The following MRTFB variants were observed in gnomAD, a reference collection of about 807,000 sequenced individuals.
The protein encoded by MRTFB is myocardin-related transcription factor B.
Under a neutral mutation model 104.2 loss-of-function variants are expected in MRTFB, and 29 were observed. That is an observed-to-expected ratio of 0.28 (90% confidence interval 0.21 to 0.38). The LOEUF (loss-of-function observed/expected upper bound fraction) is 0.38, where lower values mean the gene tolerates loss of function less well. MRTFB is among the 10% of genes least tolerant of loss of function. MRTFB has a pLI of 1.00. For synonymous variants in MRTFB, 535 were observed against 519.5 expected (o/e 1.03, Z -0.41); for missense variants, 1,270 against 1,341.6 (o/e 0.95, Z 0.83).
the MRTFB span, among the ~76,000 whole-genome samples, chr16:14,022,191 A>G: frequency 1.3e-5 from 2 of 152,200 alleles, no homozygotes; most frequent in Non-Finnish European, 2.9e-5. Context: ...AGTAGAGTCT[A>G]CATGTGTTTG....
intron 6 of MRTFB, among the ~76,000 whole-genome samples, chr16:14,214,570 G>A (rs984737227): frequency 6.6e-6 from 1 of 152,162 alleles, no homozygotes; most frequent in African/African-American, 2.4e-5. Context: ...CATTGTTAGA[G>A]GTGTTCCTTC....
At chr16:14,117,416 A>G (rs557317384) in intron 2 of MRTFB, among the ~76,000 whole-genome samples, 105 of 152,246 alleles carry the variant, frequency 6.9e-4, no homozygotes, top group African/African-American at 2.3e-3. Context: ...TTCCTAATAC[A>G]TGGTCCCATA....
intron 3 of MRTFB, among the ~76,000 whole-genome samples, chr16:14,145,862 A>G (rs1409855585): frequency 6.6e-6 from 1 of 152,252 alleles, no homozygotes; most frequent in Non-Finnish European, 1.5e-5. Context: ...TAAATTGGAA[A>G]AGCTCAGCAA....
intron 2 of MRTFB, among the ~76,000 whole-genome samples, chr16:14,109,329 C>A (rs1374355659): frequency 6.6e-6 from 1 of 152,088 alleles, no homozygotes; most frequent in Non-Finnish European, 1.5e-5. Context: ...TGTCTCGAAG[C>A]CACTAAGCAA....
the MRTFB span, among the ~76,000 whole-genome samples, chr16:14,003,659 TCCCTCCCTC>T: frequency 1.4e-4 from 19 of 138,600 alleles, 1 homozygote; most frequent in Non-Finnish European, 2.9e-4. Context: ...CCTCCCTCCC[TCCCTCCCTC>T]CCTTCCTTCC....
At chr16:14,176,548 A>G (rs1437585135) in intron 3 of MRTFB, among the ~76,000 whole-genome samples, 1 of 152,246 alleles carries the variant, frequency 6.6e-6, no homozygotes, top group Non-Finnish European at 1.5e-5. Flanking sequence ...AAGTGAATTT[A>G]TTATATACAG....
At chr16:14,256,194 C>CAAAA (rs750556838) in intron 15 of MRTFB, among the ~76,000 whole-genome samples, 22 of 77,654 alleles carry the variant, frequency 2.8e-4, no homozygotes, top group African/African-American at 1.0e-3. Flanking sequence ...AACAGGATAA[C>CAAAA]AAAAAAAAAA....
the MRTFB span, among the ~76,000 whole-genome samples, chr16:14,036,298 A>ATT: frequency 3.5e-5 from 3 of 84,510 alleles, no homozygotes; most frequent in Non-Finnish European, 4.7e-5. Context: ...ATATATATTT[A>ATT]TATATATATA....
chr16:14,232,440 A>C (rs1417007043), intron 8 of MRTFB, among the ~76,000 whole-genome samples: 2 of 152,246 alleles, frequency 1.3e-5, no homozygotes, highest in Non-Finnish European at 2.9e-5. Context: ...GAGGAGCCAG[A>C]TGTCTCAGGG....
At chr16:14,054,823 T>C in the MRTFB span, among the ~76,000 whole-genome samples, 1 of 152,144 alleles carries the variant, frequency 6.6e-6, no homozygotes, top group Non-Finnish European at 1.5e-5. Flanking sequence ...TTACTTCTTA[T>C]ACCAGTTTTA....
intron 5 of MRTFB, among the ~76,000 whole-genome samples, chr16:14,212,668 G>A (rs1397730412): frequency 2.0e-5 from 3 of 152,050 alleles, no homozygotes; most frequent in East Asian, 3.9e-4. Context: ...ATACTTCTTC[G>A]CTTTCTTGCT....
intron 2 of MRTFB, among the ~76,000 whole-genome samples, chr16:14,086,313 A>T (rs2034700953): frequency 6.6e-6 from 1 of 152,144 alleles, no homozygotes; most frequent in Non-Finnish European, 1.5e-5. Flanking sequence ...CTTTCCATAT[A>T]CTTTGTTTCT....
chr16:14,041,081 C>T, the MRTFB span, among the ~76,000 whole-genome samples: 2 of 151,108 alleles, frequency 1.3e-5, no homozygotes, highest in African/African-American at 2.4e-5. Context: ...TGCAGTGAGC[C>T]ATGATGACAC....
In MRTFB at chr16:14,261,544, C is replaced by A. The variant is rs2043780504; in HGVS notation, c.*100C>A. The A allele has an allele frequency of 1.1e-5, 14 of 1,217,860 alleles. No homozygotes were observed. Among genetic ancestry groups the A allele is most frequent in the Non-Finnish European group, 1.6e-5 (14 of 877,910 alleles). The allele number at this position is 1,217,860 out of a possible 1,614,324, so 75.4% of individuals were successfully genotyped here. On this transcript the variant is annotated 3_prime_UTR_variant, in exon 17 of 17. Coordinates refer to ENST00000571589, the MANE Select transcript of MRTFB (RefSeq NM_001308142.2). ...AGATCTATAGTTGCATTGTTGCAAT[C>A]AAAATATGTTGTCACAGAAAGAATA...
In MRTFB at chr16:14,265,836, CAAAT is replaced by C. The variant is rs1172779543; in HGVS notation, c.*4396_*4399del. On this transcript the variant is annotated 3_prime_UTR_variant, in exon 17 of 17. Coordinates refer to ENST00000571589, the MANE Select transcript of MRTFB (RefSeq NM_001308142.2). The stretch of plus-strand genomic sequence containing the variant: ...GGATCTACAAGGTGCTGTCGGGAAT[CAAAT>C]AAAATATGTTATCAGAGATATCATC... 1.3e-5 allele frequency: 2 copies of C among 152,172 alleles called. No homozygotes were observed. Among genetic ancestry groups the C allele is most frequent in the Admixed American group, 6.5e-5 (1 of 15,282 alleles). The allele number at this position is 152,172 out of a possible 1,614,324, so 9.4% of individuals were successfully genotyped here.
chr16:14,234,727 T>C (rs1317247731), intron 9 of MRTFB, among the ~76,000 whole-genome samples: 1 of 152,026 alleles, frequency 6.6e-6, no homozygotes, highest in Non-Finnish European at 1.5e-5. Context: ...CCCTGGAGTT[T>C]GAGGCTGCAG....
At chr16:14,129,232 A>G (rs959847716) in intron 2 of MRTFB, among the ~76,000 whole-genome samples, 1 of 152,248 alleles carries the variant, frequency 6.6e-6, no homozygotes, top group Non-Finnish European at 1.5e-5. Flanking sequence ...ACACAGATAC[A>G]AAATATCTTT....
intron 2 of MRTFB, among the ~76,000 whole-genome samples, chr16:14,110,138 T>C (rs12325320): frequency 3.9e-5 from 6 of 152,210 alleles, no homozygotes; most frequent in African/African-American, 7.2e-5. Context: ...AGTCTCAAAG[T>C]CTGAGCTGGG....
At chr16:14,228,559 G>A (rs1382729435) in intron 8 of MRTFB, among the ~76,000 whole-genome samples, 2 of 150,744 alleles carry the variant, frequency 1.3e-5, no homozygotes, top group Non-Finnish European at 2.9e-5. Flanking sequence ...CTGGGCAACA[G>A]AGCTAGACTC....
Sources: gnomAD v4.1 joint callset for allele counts (sites outside exome capture counted in the v4.1 genomes callset) on GRCh38, gnomAD v4.1.1 for gene constraint, MANE v1.5 for transcripts, NCBI Gene and HGNC (gene_info 2026-07-23, HGNC 2026-07-21) for gene names.